Variants in EPHA6 observed in about 807,000 individuals in gnomAD.
EPHA6 encodes EPH receptor A6, also known as ephrin type-A receptor 6.
In EPHA6, 50 loss-of-function variants were observed where a neutral mutation model predicts 112.0. The observed-to-expected ratio is 0.45, with a 90% CI of 0.36 to 0.56. EPHA6 has a LOEUF of 0.56. Among genes scored for constraint, EPHA6 ranks in the 20% least tolerant of loss-of-function variants. The pLI is 0.00. For synonymous variants in EPHA6, 529 were observed against 490.7 expected, an observed-to-expected ratio of 1.08 and a Z score of -1.03; for missense variants, 1,280 against 1,417.4, an observed-to-expected ratio of 0.90 and a Z score of 1.56.
chr3:97,562,415 C>A (rs185527524), intron 11 of EPHA6, among the ~76,000 whole-genome samples: 1 of 152,122 alleles, frequency 6.6e-6, no homozygotes, highest in Non-Finnish European at 1.5e-5. Flanking sequence ...GGGTTCAAGA[C>A]TTCAGTGGAA....
intron 5 of EPHA6, among the ~76,000 whole-genome samples, chr3:97,386,180 T>TA (rs1275772077): frequency 1.3e-4 from 20 of 152,118 alleles, no homozygotes; most frequent in African/African-American, 3.9e-4. Context: ...GCCTGAGAAA[T>TA]AAAAAAAGTC....
At chr3:97,178,864 G>A (rs2076908398) in intron 3 of EPHA6, among the ~76,000 whole-genome samples, 1 of 152,070 alleles carries the variant, frequency 6.6e-6, no homozygotes, top group Middle Eastern at 3.4e-3. Context: ...TGACCTTCTT[G>A]TATTTGGATA....
chr3:97,144,321 A>G (rs537090015), intron 3 of EPHA6, among the ~76,000 whole-genome samples: 11 of 151,782 alleles, frequency 7.2e-5, no homozygotes, highest in African/African-American at 2.4e-4. Context: ...TAATTTACAC[A>G]TTTAAAATTT....
intron 14 of EPHA6, among the ~76,000 whole-genome samples, chr3:97,693,177 C>T (rs2032784906): frequency 6.6e-6 from 1 of 152,100 alleles, no homozygotes; most frequent in Non-Finnish European, 1.5e-5. Context: ...CTGCAAAGAA[C>T]ATAAGGAGAT....
intron 2 of EPHA6, among the ~76,000 whole-genome samples, chr3:96,956,291 A>G (rs1576163262): frequency 6.6e-6 from 1 of 152,210 alleles, no homozygotes; most frequent in Non-Finnish European, 1.5e-5. Context: ...TAAGGGATAC[A>G]TAGGTCATAT....
intron 5 of EPHA6, among the ~76,000 whole-genome samples, chr3:97,334,716 C>T (rs765000800): frequency 6.6e-6 from 1 of 152,016 alleles, no homozygotes; most frequent in Admixed American, 6.6e-5. Flanking sequence ...TCTCTTTCAT[C>T]CTTGTTGAGC....
At chr3:97,438,227 C>T (rs545543475) in intron 6 of EPHA6, among the ~76,000 whole-genome samples, 12 of 152,086 alleles carry the variant, frequency 7.9e-5, no homozygotes, top group East Asian at 1.9e-4. Flanking sequence ...TGAAGACAGA[C>T]GGGAAAGTTA....
chr3:97,308,477 C>T (rs1283261137), intron 5 of EPHA6, among the ~76,000 whole-genome samples: 3 of 151,716 alleles, frequency 2.0e-5, no homozygotes, highest in African/African-American at 7.3e-5. Context: ...TTTGTAGCTA[C>T]TTCTAGCACT....
chr3:97,122,637 C>T (rs1381416954), intron 3 of EPHA6, among the ~76,000 whole-genome samples: 7 of 151,704 alleles, frequency 4.6e-5, no homozygotes, highest in African/African-American at 1.7e-4. Context: ...GAATACTTAC[C>T]AATGATAAAA....
intron 2 of EPHA6, among the ~76,000 whole-genome samples, chr3:96,920,154 A>G (rs551398874): frequency 6.6e-6 from 1 of 152,054 alleles, no homozygotes; most frequent in South Asian, 2.1e-4. Context: ...GGTAAAGGAA[A>G]ACATTAATAA....
chr3:96,860,910 C>T (rs2107426761), intron 1 of EPHA6, among the ~76,000 whole-genome samples: 1 of 152,126 alleles, frequency 6.6e-6, no homozygotes, highest in East Asian at 1.9e-4. Context: ...TTTTCTTTTA[C>T]TCATTTTTAA....
intron 14 of EPHA6, among the ~76,000 whole-genome samples, chr3:97,679,225 A>G (rs1208175285): frequency 1.3e-5 from 2 of 152,092 alleles, no homozygotes; most frequent in Non-Finnish European, 1.5e-5. Context: ...CTCTTTCCCC[A>G]TAGTTGCTAA....
At chr3:97,690,836 G>A (rs2032617154) in intron 14 of EPHA6, among the ~76,000 whole-genome samples, 1 of 151,952 alleles carries the variant, frequency 6.6e-6, no homozygotes, top group African/African-American at 2.4e-5. Context: ...TATATGTTCT[G>A]GATACAAGTC....
chr3:97,374,301 A>T (rs1425557775), intron 5 of EPHA6, among the ~76,000 whole-genome samples: 1 of 151,844 alleles, frequency 6.6e-6, no homozygotes, highest in Non-Finnish European at 1.5e-5. Flanking sequence ...CATCTTTAAC[A>T]CTCACACCCT....
At chr3:97,670,536 A>G (rs1327393058) in intron 14 of EPHA6, among the ~76,000 whole-genome samples, 1 of 152,194 alleles carries the variant, frequency 6.6e-6, no homozygotes, top group Non-Finnish European at 1.5e-5. Context: ...AATTTATGCA[A>G]TAGAACTAAT....
chr3:97,634,997 T>C (rs2107547713), intron 13 of EPHA6, among the ~76,000 whole-genome samples: 1 of 152,008 alleles, frequency 6.6e-6, no homozygotes, highest in Middle Eastern at 3.4e-3. Context: ...ATGAGAATAC[T>C]AGTATAGCTT....
At chr3:97,600,340 G>A (rs557094644) in intron 12 of EPHA6, among the ~76,000 whole-genome samples, 2 of 150,518 alleles carry the variant, frequency 1.3e-5, no homozygotes, top group African/African-American at 4.9e-5. Flanking sequence ...TCCCTGTCTT[G>A]TGCCTGTTTT....
chr3:97,756,641 T>C lies in EPHA6; in HGVS notation c.*7940T>C, dbSNP rs1449095950. ...ACTATGCAAAAATATCATTTTATTC[T>C]TACCAAAAAAATGTAGCTTTGATAA... On this transcript the variant is annotated 3_prime_UTR_variant, in exon 18 of 18. Transcript: ENST00000389672. 6.6e-6 allele frequency among the ~76,000 whole-genome samples: 1 copy of C among 151,920 alleles called. No homozygotes were observed. The highest frequency in any genetic ancestry group is 1.5e-5 in the Non-Finnish European group (1 of 67,790).
At chr3:97,699,102 C>T (rs955586934) in intron 14 of EPHA6, among the ~76,000 whole-genome samples, 1 of 152,120 alleles carries the variant, frequency 6.6e-6, no homozygotes. Flanking sequence ...AGAGAATATC[C>T]AGATGCATAT....
Sources: gnomAD v4.1 joint callset for allele counts (sites outside exome capture counted in the v4.1 genomes callset) on GRCh38, gnomAD v4.1.1 for gene constraint, MANE v1.5 for transcripts, NCBI Gene and HGNC (gene_info 2026-07-23, HGNC 2026-07-21) for gene names.